KLHDC1: variants seen among roughly 807,000 people sequenced by gnomAD.
KLHDC1 encodes kelch domain-containing protein 1.
KLHDC1 carries 53 observed loss-of-function variants against 68.3 expected under a neutral mutation model. The ratio of observed to expected loss-of-function variants is 0.78; its 90% CI spans 0.62 to 0.98. KLHDC1 has a LOEUF of 0.98. Ranked by LOEUF, KLHDC1 falls within the 50% of genes least tolerant of loss-of-function variation. KLHDC1 has a pLI of 0.00. For missense variants in KLHDC1, 470 were observed against 492.3 expected, an observed-to-expected ratio of 0.95 and a Z score of 0.43; for synonymous variants, 148 against 159.0, an observed-to-expected ratio of 0.93 and a Z score of 0.52.
intron 4 of KLHDC1, among the ~76,000 whole-genome samples, chr14:49,715,109 A>G (rs1888335712): frequency 6.8e-6 from 1 of 146,978 alleles, no homozygotes; most frequent in Non-Finnish European, 1.5e-5. Context: ...ATATATATTC[A>G]TATATATTTT....
intron 4 of KLHDC1, among the ~76,000 whole-genome samples, chr14:49,722,401 G>A (rs866121212): frequency 5.9e-5 from 9 of 152,142 alleles, no homozygotes; most frequent in African/African-American, 2.2e-4. Flanking sequence ...TTGCTGAGAA[G>A]GATGGTTTCC....
intron 4 of KLHDC1, among the ~76,000 whole-genome samples, chr14:49,722,335 A>G (rs1378231796): frequency 1.3e-5 from 2 of 152,126 alleles, no homozygotes; most frequent in African/African-American, 4.8e-5. Flanking sequence ...CTCATTGTTC[A>G]GTTCCCACCT....
At chr14:49,693,645 C>G (rs912135346) in intron 1 of KLHDC1, among the ~76,000 whole-genome samples, 3 of 151,750 alleles carry the variant, frequency 2.0e-5, no homozygotes, top group Non-Finnish European at 4.4e-5. Context: ...CCGAGGACGC[C>G]GTGCTGTATC....
chr14:49,696,184 C>CTT (rs775054220), intron 1 of KLHDC1, among the ~76,000 whole-genome samples: 30 of 142,304 alleles, frequency 2.1e-4, no homozygotes, highest in African/African-American at 5.4e-4. Context: ...TCACCTTGCA[C>CTT]TTTTTTTTTT....
chr14:49,718,447 A>AT (rs1024856980), intron 4 of KLHDC1, among the ~76,000 whole-genome samples: 2 of 151,538 alleles, frequency 1.3e-5, no homozygotes, highest in Admixed American at 1.3e-4. Flanking sequence ...GGCACAGCTA[A>AT]TTTTTTTTGT....
intron 11 of KLHDC1, among the ~76,000 whole-genome samples, 193 bp downstream of exon 11, chr14:49,740,375 TC>T (rs1254179755): frequency 1.3e-5 from 2 of 152,014 alleles, no homozygotes; most frequent in Non-Finnish European, 2.9e-5. Context: ...TCTTGCTCTG[TC>T]CCCCAGGCTG....
At position 49,747,183 on chromosome 14, in the gene KLHDC1, G is replaced by A. The variant is rs531082684; in HGVS notation, c.1034+3378G>A. 3.5e-3 allele frequency among the ~76,000 whole-genome samples: 526 copies of A among 152,190 alleles called. 2 individuals are homozygous for A. Among genetic ancestry groups the A allele is most frequent in the Non-Finnish European group, 5.6e-3 (378 of 68,008 alleles). Reference sequence around the variant, plus strand: ...AGGATGGTCTCGATCTCCTGACCTCGTGATTCACCCGCCTCGGCCTCCCAA... The same window carrying A: ...AGGATGGTCTCGATCTCCTGACCTCATGATTCACCCGCCTCGGCCTCCCAA... On this transcript the variant is annotated intron_variant, in intron 12 of 12. Transcript: ENST00000359332.
chr14:49,718,467 G>T (rs1413611871), intron 4 of KLHDC1, among the ~76,000 whole-genome samples: 1 of 151,980 alleles, frequency 6.6e-6, no homozygotes, highest in African/African-American at 2.4e-5. Flanking sequence ...TACTTTTAGA[G>T]ACAAGGTTTC....
chr14:49,712,988 CA>C (rs1175402471), intron 4 of KLHDC1, among the ~76,000 whole-genome samples: 19 of 142,850 alleles, frequency 1.3e-4, no homozygotes, highest in Non-Finnish European at 2.3e-4. Flanking sequence ...CCTGCTCTGT[CA>C]CCCAGCCTGG....
chr14:49,697,335 A>G (rs138323472), intron 1 of KLHDC1, among the ~76,000 whole-genome samples: 99 of 152,324 alleles, frequency 6.5e-4, no homozygotes, highest in Non-Finnish European at 1.2e-3. Context: ...CTGAACACAC[A>G]CATTTATCAG....
At chr14:49,745,719 G>A (rs189884217) in intron 12 of KLHDC1, among the ~76,000 whole-genome samples, 78 of 152,338 alleles carry the variant, frequency 5.1e-4, no homozygotes, top group African/African-American at 1.8e-3. Flanking sequence ...CAAAAGCATA[G>A]TATGTTCTGG....
At chr14:49,700,689 G>T (rs1887880356) in intron 1 of KLHDC1, among the ~76,000 whole-genome samples, 1 of 152,138 alleles carries the variant, frequency 6.6e-6, no homozygotes, top group Non-Finnish European at 1.5e-5. Context: ...AAGAATGAAG[G>T]TGGAAGGCTT....
In KLHDC1 at chr14:49,693,748, C is replaced by CTTTTTTTTTT. The variant is rs1231129663; in HGVS notation, c.96+465_96+474dup. Among the ~76,000 whole-genome samples the CTTTTTTTTTT allele has an allele frequency of 1.5e-3, 94 of 61,542 alleles. 21 individuals carry two copies. The highest frequency in any genetic ancestry group is 1.9e-3 in the Non-Finnish European group (55 of 29,614). The allele number at this position is 61,542 out of a possible 152,430, so 40.4% of individuals were successfully genotyped here. A position where few individuals can be genotyped will look rare whatever the true frequency, so the allele number is the denominator to read the frequency against. ...TAAATATTTATTTTCTTTTCTTTTT[C>CTTTTTTTTTT]TTTTTTTTTTTTTTTTGAGATGGAG... On this transcript the variant is annotated intron_variant, in intron 1 of 12. Coordinates refer to ENST00000359332, the MANE Select transcript of KLHDC1 (RefSeq NM_172193.3).
At chr14:49,717,326 C>A (rs1482122299) in intron 4 of KLHDC1, among the ~76,000 whole-genome samples, 1 of 152,150 alleles carries the variant, frequency 6.6e-6, no homozygotes, top group East Asian at 1.9e-4. Flanking sequence ...ATATTCCCAC[C>A]AGCAAGGAAC....
intron 1 of KLHDC1, among the ~76,000 whole-genome samples, chr14:49,701,684 C>A (rs1304085929): frequency 6.6e-6 from 1 of 151,692 alleles, no homozygotes; most frequent in Non-Finnish European, 1.5e-5. Flanking sequence ...AAAAAAATAC[C>A]AAAAACTGAT....
At chr14:49,709,126 A>C (rs577535992) in intron 1 of KLHDC1, 33 bp from the exon 2 acceptor site, 2 of 928,934 alleles carry the variant, frequency 2.2e-6, no homozygotes, top group Non-Finnish European at 3.4e-6. Context: ...TGTGTAACTG[A>C]TAAACATAAT....
intron 4 of KLHDC1, among the ~76,000 whole-genome samples, chr14:49,722,191 A>G (rs1471046138): frequency 5.9e-5 from 9 of 152,146 alleles, no homozygotes; most frequent in Admixed American, 5.9e-4. Context: ...GGTTTGTTAC[A>G]TATGTATACA....
At chr14:49,715,725 A>G (rs1460928931) in intron 4 of KLHDC1, among the ~76,000 whole-genome samples, 9 of 115,936 alleles carry the variant, frequency 7.8e-5, no homozygotes, top group African/African-American at 3.1e-4. Flanking sequence ...AGCCTGGGTG[A>G]CAAGACTCTG....
chr14:49,706,386 A>G (rs1399571570), intron 1 of KLHDC1, among the ~76,000 whole-genome samples: 4 of 152,078 alleles, frequency 2.6e-5, no homozygotes, highest in Non-Finnish European at 4.4e-5. Context: ...TCATGTGTTG[A>G]TGGACACAAG....
Sources: gnomAD v4.1 joint callset for allele counts (sites outside exome capture counted in the v4.1 genomes callset) on GRCh38, gnomAD v4.1.1 for gene constraint, MANE v1.5 for transcripts, NCBI Gene and HGNC (gene_info 2026-07-23, HGNC 2026-07-21) for gene names.